CCDC68: variants seen among roughly 807,000 people sequenced by gnomAD.
CCDC68 encodes coiled-coil domain containing 68.
CCDC68 carries 45 observed loss-of-function variants against 47.1 expected under a neutral mutation model. The ratio of observed to expected loss-of-function variants is 0.96; its 90% CI spans 0.75 to 1.23. The LOEUF (loss-of-function observed/expected upper bound fraction) is 1.23. Ranked by LOEUF, CCDC68 falls within the 50% of genes most tolerant of loss-of-function variation. CCDC68 has a pLI of 0.00. For synonymous variants in CCDC68, 131 were observed against 129.5 expected, an observed-to-expected ratio of 1.01 and a Z score of -0.08; for missense variants, 353 against 373.6, an observed-to-expected ratio of 0.94 and a Z score of 0.45.
At chr18:54,931,888 T>C (rs1038400690) in intron 7 of CCDC68, among the ~76,000 whole-genome samples, 7 of 152,176 alleles carry the variant, frequency 4.6e-5, no homozygotes, top group African/African-American at 1.7e-4. Context: ...ATTGTTCAAG[T>C]GAGTAGCAAG....
intron 7 of CCDC68, among the ~76,000 whole-genome samples, chr18:54,930,015 G>C (rs1362979561): frequency 6.6e-6 from 1 of 152,174 alleles, no homozygotes; most frequent in South Asian, 2.1e-4. Context: ...TATTTCATTA[G>C]AGCCCTGAGT....
chr18:54,957,154 G>A (rs974083084), intron 1 of CCDC68, among the ~76,000 whole-genome samples: 1 of 152,054 alleles, frequency 6.6e-6, no homozygotes, highest in African/African-American at 2.4e-5. Context: ...GCATGAAATT[G>A]ATACTTAGCT....
chr18:54,909,639 G>A (rs1311929477), intron 10 of CCDC68, among the ~76,000 whole-genome samples: 3 of 152,250 alleles, frequency 2.0e-5, no homozygotes, highest in Non-Finnish European at 4.4e-5. Context: ...TGAGCAAGTG[G>A]TGTGGGGTCC....
At chr18:54,906,487 A>G (rs1222951342) in intron 11 of CCDC68, among the ~76,000 whole-genome samples, 2 of 152,296 alleles carry the variant, frequency 1.3e-5, no homozygotes, top group African/African-American at 2.4e-5. Flanking sequence ...AGTAGTTACC[A>G]TATGAAGATA....
At chr18:54,948,214 C>T (rs1367736185) in intron 1 of CCDC68, among the ~76,000 whole-genome samples, 1 of 152,110 alleles carries the variant, frequency 6.6e-6, no homozygotes, top group African/African-American at 2.4e-5. Flanking sequence ...TGAGGTCACA[C>T]TGGAGTAGGG....
intron 10 of CCDC68, among the ~76,000 whole-genome samples, chr18:54,913,360 T>C (rs1258604098): frequency 6.6e-6 from 1 of 152,244 alleles, no homozygotes; most frequent in East Asian, 1.9e-4. Flanking sequence ...TCATTTTTCA[T>C]AAACTGAATC....
intron 10 of CCDC68, among the ~76,000 whole-genome samples, chr18:54,909,881 G>A (rs1222215361): frequency 6.6e-6 from 1 of 152,252 alleles, no homozygotes; most frequent in East Asian, 1.9e-4. Flanking sequence ...GGTCTGGGCT[G>A]CCCAAAGGGC....
Position 54,905,832 on chromosome 18 carries a change from C to T in CCDC68, c.951-1417G>A, listed in dbSNP as rs143913211. Among the ~76,000 whole-genome samples the T allele has an allele frequency of 9.8e-3, 1,492 of 152,232 alleles. 31 individuals carry two copies. Among genetic ancestry groups the T allele is most frequent in the African/African-American group, 0.034 (1,426 of 41,532 alleles). ...AGCTTCATCTGTATTTACAGCCACTCCCCATCGCTCACATTACCTCCTGAG... is the reference window on the plus strand; with the variant it reads ...AGCTTCATCTGTATTTACAGCCACTTCCCATCGCTCACATTACCTCCTGAG... On this transcript the variant is annotated intron_variant, in intron 11 of 11. Coordinates refer to ENST00000591504, the MANE Select transcript of CCDC68 (RefSeq NM_025214.3).
At chr18:54,953,593 G>T (rs2044658830) in intron 1 of CCDC68, among the ~76,000 whole-genome samples, 1 of 151,838 alleles carries the variant, frequency 6.6e-6, no homozygotes. Context: ...TGGAATCAGG[G>T]TTGTTAAAAA....
Position 54,920,585 on chromosome 18 carries a change from G to A in CCDC68, c.684-1209C>T, listed in dbSNP as rs1469903626. 2.6e-5 allele frequency among the ~76,000 whole-genome samples: 4 copies of A among 152,158 alleles called. No individual in the cohort carries two copies. In the East Asian group the frequency reaches 7.7e-4, roughly 29 times the overall value. ...AAAAAGAGTTATTAGTTTTCATTTT[G>A]TTTCATATAATGGACTAAAACATTG... On this transcript the variant is annotated intron_variant, in intron 8 of 11. Transcript: ENST00000591504.
rs759466735 is a variant in CCDC68 at position 54,950,788 on chromosome 18, G to GTATATATATATATATA, written c.-102-5312_-102-5311insTATATATATATATATA. 6.8e-3 allele frequency among the ~76,000 whole-genome samples: 664 copies of GTATATATATATATATA among 97,296 alleles called. 49 individuals are homozygous for GTATATATATATATATA. The East Asian group carries it at 0.088, about 13-fold the overall frequency. 63.8% of individuals were successfully genotyped at this position (97,296 alleles called of 152,430 possible). The stretch of plus-strand genomic sequence containing the variant: ...CTGTGTTATTGTTATTATCTTCAGT[G>GTATATATATATATATA]TATATATATATATATGATGCAATAA... On this transcript the variant is annotated intron_variant, in intron 1 of 11. Coordinates refer to ENST00000591504, the MANE Select transcript of CCDC68 (RefSeq NM_025214.3).
chr18:54,934,191 T>C (rs1312538841), intron 7 of CCDC68, among the ~76,000 whole-genome samples: 1 of 152,220 alleles, frequency 6.6e-6, no homozygotes, highest in Non-Finnish European at 1.5e-5. Flanking sequence ...ATGGCATACA[T>C]ACACAAATTT....
chr18:54,940,882 G>C, intron 4 of CCDC68, 115 bp downstream of exon 4: 2 of 681,588 alleles, frequency 2.9e-6, no homozygotes, highest in Non-Finnish European at 5.1e-6. Context: ...CTTTAGATAT[G>C]CATGAAATAT....
intron 1 of CCDC68, among the ~76,000 whole-genome samples, chr18:54,949,855 T>A (rs780932266): frequency 7.2e-5 from 11 of 152,150 alleles, no homozygotes; most frequent in Non-Finnish European, 2.9e-5. Flanking sequence ...GGAAATCCAG[T>A]CATTGTTCAG....
At chr18:54,906,405 C>T (rs906196869) in intron 11 of CCDC68, among the ~76,000 whole-genome samples, 1 of 152,044 alleles carries the variant, frequency 6.6e-6, no homozygotes, top group African/African-American at 2.4e-5. Context: ...GTAGCTAAAG[C>T]GTTGGCCAAA....
intron 2 of CCDC68, among the ~76,000 whole-genome samples, 177 bp downstream of exon 2, chr18:54,945,211 T>C (rs775890889): frequency 1.7e-4 from 26 of 152,198 alleles, no homozygotes; most frequent in Non-Finnish European, 3.2e-4. Flanking sequence ...AACTGGGTGA[T>C]GAGTCTATAG....
rs949561629 is a variant in CCDC68, at chr18:54,934,912, G to A, written c.508C>T (p.His170Tyr). The change falls in exon 7 of 12, where the codon CAT (histidine) becomes TAT (tyrosine). Residue 170 changes from histidine to tyrosine, a missense_variant. By Grantham distance (83) the His-to-Tyr change is moderately conservative. Coordinates refer to ENST00000591504, the MANE Select transcript of CCDC68 (RefSeq NM_025214.3). ...KLEKEQKLKQ[H>Y]VENLNQVAEK... is the part of the protein sequence containing the mutation. The stretch of plus-strand genomic sequence containing the variant: ...GCAACTTGATTCAGATTTTCAACAT[G>A]TTGTTTCAATTTCTGTTCTTTTTCA... 1.9e-6 allele frequency: 3 copies of A among 1,596,572 alleles called. No individual in the cohort carries two copies. In the African/African-American group the frequency reaches 4.1e-5, roughly 22 times the overall value.
chr18:54,942,464 T>A (rs2044453992), intron 3 of CCDC68, among the ~76,000 whole-genome samples: 1 of 152,164 alleles, frequency 6.6e-6, no homozygotes, highest in Non-Finnish European at 1.5e-5. Flanking sequence ...GTGAGTAAAA[T>A]CATTTTACTC....
At chr18:54,928,068 A>T (rs2044175773) in intron 8 of CCDC68, among the ~76,000 whole-genome samples, 1 of 152,224 alleles carries the variant, frequency 6.6e-6, no homozygotes, top group Non-Finnish European at 1.5e-5. Context: ...AATCGATTTG[A>T]CTTTGAACAA....
Sources: gnomAD v4.1 joint callset for allele counts (sites outside exome capture counted in the v4.1 genomes callset) on GRCh38, gnomAD v4.1.1 for gene constraint, MANE v1.5 for transcripts, NCBI Gene and HGNC (gene_info 2026-07-23, HGNC 2026-07-21) for gene names.